CFAP299: variants seen among roughly 807,000 people sequenced by gnomAD.
CFAP299 encodes cilia and flagella associated protein 299.
In CFAP299, 21 loss-of-function variants were observed where a neutral mutation model predicts 27.0. The observed-to-expected ratio is 0.78, with a 90% confidence interval of 0.55 to 1.12. The LOEUF is 1.12. Among genes scored for constraint, CFAP299 ranks in the 50% most tolerant of loss-of-function variants. The pLI is 0.00. For synonymous variants in CFAP299, 104 were observed against 98.1 expected (o/e 1.06, Z -0.36); for missense variants, 310 against 276.6 (o/e 1.12, Z -0.86).
At chr4:80,535,550 C>G (rs1425728191) in intron 2 of CFAP299, among the ~76,000 whole-genome samples, 1 of 146,982 alleles carries the variant, frequency 6.8e-6, no homozygotes, top group Non-Finnish European at 1.5e-5. Context: ...ATATCACTCT[C>G]TAGCCATGTT....
intron 2 of CFAP299, among the ~76,000 whole-genome samples, chr4:80,436,377 T>C (rs1001312388): frequency 5.1e-4 from 77 of 151,284 alleles, no homozygotes; most frequent in African/African-American, 1.6e-3. Context: ...CAGCTCACTG[T>C]AAGCTCCGCC....
At chr4:80,842,863 G>T (rs1472026344) in intron 3 of CFAP299, among the ~76,000 whole-genome samples, 1 of 151,920 alleles carries the variant, frequency 6.6e-6, no homozygotes, top group East Asian at 1.9e-4. Flanking sequence ...AGTTTGAAGG[G>T]GTATTCTTGC....
At chr4:80,841,391 A>G (rs1730854924) in intron 3 of CFAP299, among the ~76,000 whole-genome samples, 1 of 152,122 alleles carries the variant, frequency 6.6e-6, no homozygotes, top group Non-Finnish European at 1.5e-5. Context: ...AAGTTCCTGT[A>G]CAAATACCAT....
chr4:80,420,401 G>A, intron 2 of CFAP299: 1 of 259,332 alleles, frequency 3.9e-6, no homozygotes, highest in Non-Finnish European at 8.1e-6. Context: ...TATATTTTGG[G>A]TGAGATATTT....
intron 3 of CFAP299, among the ~76,000 whole-genome samples, chr4:80,625,424 A>G (rs1272947432): frequency 6.6e-6 from 1 of 152,028 alleles, no homozygotes; most frequent in Non-Finnish European, 1.5e-5. Context: ...ACACTGAAGA[A>G]AATCACTTAG....
intron 2 of CFAP299, among the ~76,000 whole-genome samples, chr4:80,566,556 T>A (rs1438569274): frequency 6.6e-6 from 1 of 152,092 alleles, no homozygotes; most frequent in Non-Finnish European, 1.5e-5. Flanking sequence ...ACTAGACATA[T>A]GTAGCATAAG....
At chr4:80,337,942 C>A (rs531438863) in intron 1 of CFAP299, among the ~76,000 whole-genome samples, 1 of 152,046 alleles carries the variant, frequency 6.6e-6, no homozygotes, top group Non-Finnish European at 1.5e-5. Flanking sequence ...TTCTAGAGAT[C>A]TACATTCTCA....
chr4:80,929,805 T>C (rs996763777), intron 4 of CFAP299, among the ~76,000 whole-genome samples: 3 of 152,208 alleles, frequency 2.0e-5, no homozygotes, highest in Admixed American at 6.5e-5. Context: ...ATAAAGTTCA[T>C]ATTGTTTGAT....
At chr4:80,933,134 TTTTC>T (rs1246108709) in intron 4 of CFAP299, among the ~76,000 whole-genome samples, 1 of 150,908 alleles carries the variant, frequency 6.6e-6, no homozygotes, top group Non-Finnish European at 1.5e-5. Flanking sequence ...CCTTCTTTCT[TTTTC>T]TTTCTTTCCT....
intron 3 of CFAP299, among the ~76,000 whole-genome samples, chr4:80,789,532 G>A (rs1727433177): frequency 6.6e-6 from 1 of 152,066 alleles, no homozygotes; most frequent in African/African-American, 2.4e-5. Flanking sequence ...AAATTATTCT[G>A]TTCTAAAGAT....
intron 3 of CFAP299, among the ~76,000 whole-genome samples, chr4:80,680,603 A>T (rs1719774795): frequency 6.6e-6 from 1 of 152,166 alleles, no homozygotes; most frequent in African/African-American, 2.4e-5. Flanking sequence ...AGATGGTTTC[A>T]TAGAGGATGA....
intron 5 of CFAP299, among the ~76,000 whole-genome samples, chr4:80,952,656 T>C (rs974805829): frequency 1.3e-5 from 2 of 152,186 alleles, no homozygotes; most frequent in Admixed American, 6.5e-5. Context: ...ACATAAGGTT[T>C]AAAATTAAAA....
intron 3 of CFAP299, among the ~76,000 whole-genome samples, chr4:80,859,203 G>T (rs1371350505): frequency 1.8e-4 from 28 of 152,222 alleles, no homozygotes; most frequent in Non-Finnish European, 1.8e-4. Context: ...TTGGTTTAAA[G>T]TCTGTTTTAT....
chr4:80,637,342 A>G (rs1400058179), intron 3 of CFAP299, among the ~76,000 whole-genome samples: 3 of 152,100 alleles, frequency 2.0e-5, no homozygotes, highest in South Asian at 4.1e-4. Flanking sequence ...TAGACATGCA[A>G]TTTTTTTCCT....
intron 2 of CFAP299, among the ~76,000 whole-genome samples, chr4:80,426,981 G>A (rs938522977): frequency 2.0e-5 from 3 of 152,108 alleles, no homozygotes; most frequent in Non-Finnish European, 4.4e-5. Context: ...GTAATAAAAT[G>A]TAGATCTATA....
In CFAP299 at chr4:80,803,611, G is replaced by T. The variant is rs190883430; in HGVS notation, c.334-66382G>T. On this transcript the variant is annotated intron_variant, in intron 3 of 5. Coordinates refer to ENST00000358105, the MANE Select transcript of CFAP299 (RefSeq NM_152770.3). Reference sequence around the variant, plus strand: ...TTCCTCCAATAGAAACATGACACCAGTTACATATGCAACGTTAAACTTTCT... The same window carrying T: ...TTCCTCCAATAGAAACATGACACCATTTACATATGCAACGTTAAACTTTCT... 5.3e-5 allele frequency among the ~76,000 whole-genome samples: 8 copies of T among 151,580 alleles called. No individual in the cohort carries two copies. The East Asian group carries it at 1.5e-3, about 29-fold the overall frequency.
intron 3 of CFAP299, among the ~76,000 whole-genome samples, chr4:80,659,653 A>G (rs563339029): frequency 4.6e-4 from 70 of 152,196 alleles, no homozygotes; most frequent in African/African-American, 1.7e-3. Context: ...GTTGAGGATG[A>G]GGGTTAACCA....
chr4:80,366,752 C>T (rs1474853483), intron 2 of CFAP299, among the ~76,000 whole-genome samples: 1 of 152,156 alleles, frequency 6.6e-6, no homozygotes, highest in East Asian at 1.9e-4. Context: ...CTTAAAAACT[C>T]ATATACAAAT....
intron 2 of CFAP299, among the ~76,000 whole-genome samples, chr4:80,446,381 G>C (rs1019670582): frequency 3.3e-5 from 5 of 152,210 alleles, no homozygotes; most frequent in South Asian, 2.1e-4. Context: ...TTCCCAAGAG[G>C]CTGACAGTTG....
Sources: gnomAD v4.1 joint callset for allele counts (sites outside exome capture counted in the v4.1 genomes callset) on GRCh38, gnomAD v4.1.1 for gene constraint, MANE v1.5 for transcripts, NCBI Gene and HGNC (gene_info 2026-07-23, HGNC 2026-07-21) for gene names.